The following PCDH15 variants were observed in gnomAD, a reference collection of about 807,000 sequenced individuals.
PCDH15 encodes protocadherin related 15.
PCDH15 carries 129 observed loss-of-function variants against 178.5 expected under a neutral mutation model. The observed-to-expected ratio is 0.72, with a 90% CI of 0.63 to 0.84. The LOEUF (loss-of-function observed/expected upper bound fraction) is 0.84. Ranked by LOEUF, PCDH15 falls within the 40% of genes least tolerant of loss-of-function variation. PCDH15 has a pLI of 0.00. For missense variants in PCDH15, 2,230 were observed against 2,099.9 expected, an observed-to-expected ratio of 1.06 and a Z score of -1.21; for synonymous variants, 800 against 732.0, an observed-to-expected ratio of 1.09 and a Z score of -1.50.
intron 2 of PCDH15, among the ~76,000 whole-genome samples, chr10:54,951,955 A>T (rs777019973): frequency 6.6e-6 from 1 of 151,804 alleles, no homozygotes; most frequent in Non-Finnish European, 1.5e-5. Flanking sequence ...CCTCTATCAG[A>T]TAATTATGTT....
intron 21 of PCDH15, among the ~76,000 whole-genome samples, chr10:53,964,910 G>A (rs1397906096): frequency 6.6e-6 from 1 of 152,104 alleles, no homozygotes; most frequent in East Asian, 1.9e-4. Flanking sequence ...GTCATGCAAT[G>A]TCAGCAACTT....
intron 3 of PCDH15, among the ~76,000 whole-genome samples, chr10:54,474,950 G>A (rs545485708): frequency 3.2e-4 from 49 of 151,806 alleles, no homozygotes; most frequent in Middle Eastern, 3.4e-3. Context: ...ATATAAATAC[G>A]TCCAACCTCT....
At chr10:53,976,147 C>T (rs2090164318) in intron 21 of PCDH15, among the ~76,000 whole-genome samples, 2 of 151,952 alleles carry the variant, frequency 1.3e-5, no homozygotes, top group Non-Finnish European at 2.9e-5. Flanking sequence ...TGTACCAGTA[C>T]CGTGTTGTTT....
At chr10:53,986,573 A>G (rs2091116125) in intron 21 of PCDH15, among the ~76,000 whole-genome samples, 1 of 152,246 alleles carries the variant, frequency 6.6e-6, no homozygotes, top group Admixed American at 6.5e-5. Flanking sequence ...GTGGAAACAG[A>G]CTAAATGTTC....
At chr10:54,573,112 T>C (rs932269612) in intron 2 of PCDH15, among the ~76,000 whole-genome samples, 3 of 152,144 alleles carry the variant, frequency 2.0e-5, no homozygotes, top group African/African-American at 7.2e-5. Flanking sequence ...ACATATCAAT[T>C]TATACATGCG....
At chr10:55,617,802 C>A (rs1330357199) in intron 2 of PCDH15, among the ~76,000 whole-genome samples, 3 of 151,980 alleles carry the variant, frequency 2.0e-5, no homozygotes, top group Non-Finnish European at 2.9e-5. Context: ...ATTTTGGCTG[C>A]AGACAAATCA....
intron 3 of PCDH15, among the ~76,000 whole-genome samples, chr10:54,422,340 C>G (rs967832360): frequency 2.6e-5 from 4 of 152,036 alleles, no homozygotes; most frequent in Non-Finnish European, 5.9e-5. Context: ...ATAGCCTACC[C>G]TATTTTGTAG....
At chr10:54,405,709 A>AAAAC (rs558572886) in intron 3 of PCDH15, among the ~76,000 whole-genome samples, 56 of 151,922 alleles carry the variant, frequency 3.7e-4, no homozygotes, top group African/African-American at 1.3e-3. Flanking sequence ...AAAAAAAAAA[A>AAAAC]CTAAAAATTA....
chr10:54,430,638 A>G (rs1385917985), intron 3 of PCDH15, among the ~76,000 whole-genome samples: 2 of 152,132 alleles, frequency 1.3e-5, no homozygotes, highest in African/African-American at 2.4e-5. Context: ...ATTTATAGCA[A>G]TAAGTGCCTA....
chr10:53,943,001 G>C (rs1010613630), intron 23 of PCDH15, among the ~76,000 whole-genome samples: 3 of 152,174 alleles, frequency 2.0e-5, no homozygotes, highest in East Asian at 3.9e-4. Flanking sequence ...AGTCATATTA[G>C]GGGATAATTT....
At chr10:54,621,226 A>T (rs2093339929) in intron 2 of PCDH15, among the ~76,000 whole-genome samples, 1 of 151,996 alleles carries the variant, frequency 6.6e-6, no homozygotes, top group Non-Finnish European at 1.5e-5. Flanking sequence ...TTTTATTTCA[A>T]GTAAATGAAC....
At chr10:55,212,239 C>G (rs1840589379) in intron 1 of PCDH15, among the ~76,000 whole-genome samples, 2 of 152,046 alleles carry the variant, frequency 1.3e-5, no homozygotes, top group South Asian at 4.1e-4. Flanking sequence ...TTTTTCACAG[C>G]CTATGCAAAT....
chr10:55,315,441 TA>T (rs1365074521), intron 1 of PCDH15, among the ~76,000 whole-genome samples: 3 of 152,090 alleles, frequency 2.0e-5, no homozygotes, highest in Admixed American at 6.6e-5. Context: ...AGATATAAAT[TA>T]TAGGCAAAGT....
intron 18 of PCDH15, among the ~76,000 whole-genome samples, chr10:54,030,576 A>G (rs762339362): frequency 6.6e-6 from 1 of 152,096 alleles, no homozygotes; most frequent in Non-Finnish European, 1.5e-5. Flanking sequence ...CACTAAAAAC[A>G]TAACCAGAAT....
chr10:54,356,706 T>A (rs535696604), intron 5 of PCDH15, among the ~76,000 whole-genome samples: 120 of 151,868 alleles, frequency 7.9e-4, no homozygotes, highest in African/African-American at 2.8e-3. Context: ...AAGCAAAAAC[T>A]ATCACAGTTT....
rs147562225 is a variant in PCDH15 at position 54,247,935 on chromosome 10, A to AATATATATAT, written c.877-11014_877-11005dup. On this transcript the variant is annotated intron_variant, in intron 8 of 37. Coordinates refer to ENST00000644397, the MANE Select transcript of PCDH15 (RefSeq NM_001384140.1). Reference sequence around the variant, plus strand: ...TGATTGATGTGAGGATGCATGAAAGAATATATATATATATATATATATATA... The same window carrying AATATATATAT: ...TGATTGATGTGAGGATGCATGAAAGAATATATATATATATATATATATATATATATATATA... Among the ~76,000 whole-genome samples, 158 of 139,388 alleles carry AATATATATAT rather than the reference A, an allele frequency of 1.1e-3. 1 individual carries two copies. Among genetic ancestry groups the AATATATATAT allele is most frequent in the African/African-American group, 4.0e-3 (151 of 38,136 alleles). The allele number at this position is 139,388 out of a possible 152,430, so 91.4% of individuals were successfully genotyped here.
At position 55,148,536 on chromosome 10, in the gene PCDH15, T is replaced by C. The variant is rs1237825592; in HGVS notation, c.-80+18040A>G. ...CAACCCAGGGAATGGTTGACCTTCTTTGCAAGATCCACCCCATGATTTCAT... is the reference window on the plus strand; with the variant it reads ...CAACCCAGGGAATGGTTGACCTTCTCTGCAAGATCCACCCCATGATTTCAT... On this transcript the variant is annotated intron_variant, in intron 2 of 5. Transcript: ENST00000458638. Among the ~76,000 whole-genome samples, 5 of 151,946 alleles carry C rather than the reference T, an allele frequency of 3.3e-5. No homozygotes were observed. In the East Asian group the frequency reaches 9.7e-4, roughly 29 times the overall value.
chr10:55,536,683 C>T (rs910735855), intron 2 of PCDH15, among the ~76,000 whole-genome samples: 7 of 152,042 alleles, frequency 4.6e-5, no homozygotes, highest in African/African-American at 9.7e-5. Context: ...ATTTGTTTTT[C>T]CTGCTCTCTC....
At chr10:54,624,389 C>T (rs1330863554) in intron 2 of PCDH15, among the ~76,000 whole-genome samples, 1 of 152,106 alleles carries the variant, frequency 6.6e-6, no homozygotes, top group Non-Finnish European at 1.5e-5. Flanking sequence ...GAATTTGTTA[C>T]CTGATCCCAA....
Sources: gnomAD v4.1 joint callset for allele counts (sites outside exome capture counted in the v4.1 genomes callset) on GRCh38, gnomAD v4.1.1 for gene constraint, MANE v1.5 for transcripts, NCBI Gene and HGNC (gene_info 2026-07-23, HGNC 2026-07-21) for gene names.